SOX5: variants seen among roughly 807,000 people sequenced by gnomAD.
The protein encoded by SOX5 is transcription factor SOX-5.
Under a neutral mutation model 92.0 loss-of-function variants are expected in SOX5, and 9 were observed. The ratio of observed to expected loss-of-function variants is 0.10; its 90% CI spans 0.06 to 0.17. The LOEUF is 0.17. Ranked by LOEUF, SOX5 falls within the 10% of genes least tolerant of loss-of-function variation. The probability of loss-of-function intolerance (pLI) is 1.00; values close to 1 mark genes in which losing one functional copy is unlikely to be tolerated. For synonymous variants in SOX5, 344 were observed against 336.3 expected, an observed-to-expected ratio of 1.02 and a Z score of -0.25; for missense variants, 642 against 944.5, an observed-to-expected ratio of 0.68 and a Z score of 4.20.
rs796068501 is a variant in SOX5 at position 24,071,417 on chromosome 12, C to T, written c.-2+141926G>A. ...CACATTTAAACAAGTGGAATCAAGC[C>T]TTGTTTTTTATTTTTATTTTTATTA... On this transcript the variant is annotated intron_variant, in intron 4 of 4. Coordinates refer to the SOX5 transcript ENST00000446891. 5.6e-4 allele frequency among the ~76,000 whole-genome samples: 85 copies of T among 152,128 alleles called. 1 individual carries two copies. Among genetic ancestry groups the T allele is most frequent in the African/African-American group, 2.0e-3 (82 of 41,522 alleles).
At chr12:24,209,790 G>A (rs1360891685) in intron 4 of SOX5, among the ~76,000 whole-genome samples, 5 of 151,530 alleles carry the variant, frequency 3.3e-5, no homozygotes, top group Non-Finnish European at 5.9e-5. Flanking sequence ...AGGCCGAGGC[G>A]GGCGGATCAC....
At chr12:24,478,839 C>A (rs1945662129) in intron 1 of SOX5, among the ~76,000 whole-genome samples, 1 of 152,210 alleles carries the variant, frequency 6.6e-6, no homozygotes, top group African/African-American at 2.4e-5. Context: ...TTTAATTCTA[C>A]TTATATATGC....
chr12:24,071,471 G>C (rs1438823484), intron 4 of SOX5, among the ~76,000 whole-genome samples: 1 of 152,138 alleles, frequency 6.6e-6, no homozygotes, highest in Non-Finnish European at 1.5e-5. Flanking sequence ...GTCTCACTCT[G>C]TTGCCCAAGC....
chr12:23,928,829 T>A (rs1394463403), intron 1 of SOX5, among the ~76,000 whole-genome samples: 5 of 151,808 alleles, frequency 3.3e-5, no homozygotes, highest in African/African-American at 4.8e-5. Context: ...AAAGTAAAAA[T>A]TTGGAACTTA....
intron 4 of SOX5, among the ~76,000 whole-genome samples, chr12:24,097,565 G>T (rs1177032721): frequency 1.3e-5 from 2 of 151,278 alleles, no homozygotes; most frequent in African/African-American, 4.9e-5. Flanking sequence ...GTAAGGTAAG[G>T]GTCATCTTCA....
At chr12:23,538,206 A>G (rs1033704007) in intron 13 of SOX5, among the ~76,000 whole-genome samples, 2 of 152,186 alleles carry the variant, frequency 1.3e-5, no homozygotes, top group African/African-American at 4.8e-5. Context: ...TACACATGTA[A>G]AGAGTTCCTC....
At chr12:24,407,604 T>C (rs1247855240) in intron 1 of SOX5, 1 of 152,226 alleles carries the variant, frequency 6.6e-6, no homozygotes, top group African/African-American at 2.4e-5. Flanking sequence ...TATAGGCAGA[T>C]TCATAATGTA....
At chr12:23,631,784 G>A (rs185523408) in intron 8 of SOX5, among the ~76,000 whole-genome samples, 9 of 152,238 alleles carry the variant, frequency 5.9e-5, no homozygotes, top group Non-Finnish European at 1.0e-4. Context: ...GTGTACTGAT[G>A]TTTCTGTCAG....
intron 6 of SOX5, among the ~76,000 whole-genome samples, chr12:23,702,964 C>A (rs1439440685): frequency 6.6e-6 from 1 of 151,984 alleles, no homozygotes. Context: ...TGGGTAACTG[C>A]ACATTCATTT....
intron 1 of SOX5, among the ~76,000 whole-genome samples, chr12:24,370,208 C>T (rs1404647382): frequency 6.6e-6 from 1 of 152,142 alleles, no homozygotes; most frequent in Non-Finnish European, 1.5e-5. Flanking sequence ...TGCGCGGTGG[C>T]TCACGCCTGT....
chr12:23,980,500 TGTTGGGAG>T (rs1452759369), intron 4 of SOX5, among the ~76,000 whole-genome samples: 1 of 152,182 alleles, frequency 6.6e-6, no homozygotes, highest in Non-Finnish European at 1.5e-5. Flanking sequence ...CTACCATTGA[TGTTGGGAG>T]GTAACATCAA....
intron 4 of SOX5, among the ~76,000 whole-genome samples, chr12:23,957,833 G>A (rs375213793): frequency 7.2e-5 from 11 of 152,054 alleles, no homozygotes; most frequent in South Asian, 4.1e-4. Flanking sequence ...ATTTATACCC[G>A]TATTTTAAAT....
In SOX5 at chr12:23,600,522, C is replaced by CATATATATATATATATATATATATAT. The variant is rs371480644; in HGVS notation, c.1164+3839_1164+3864dup. Among the ~76,000 whole-genome samples, 20 of 39,796 alleles carry CATATATATATATATATATATATATAT rather than the reference C, an allele frequency of 5.0e-4. 2 individuals are homozygous for CATATATATATATATATATATATATAT. Among genetic ancestry groups the CATATATATATATATATATATATATAT allele is most frequent in the African/African-American group, 1.3e-3 (14 of 10,682 alleles). 26.1% of individuals were successfully genotyped at this position (39,796 alleles called of 152,430 possible). ...AAGATAGACCATGGCGGGGGGGGTG[C>CATATATATATATATATATATATATAT]ATATATATATATATATATATATATA... is the stretch of plus-strand genomic sequence containing the variant. On this transcript the variant is annotated intron_variant, in intron 9 of 14. Transcript: ENST00000451604.
At chr12:23,582,948 C>T (rs1230642032) in intron 9 of SOX5, among the ~76,000 whole-genome samples, 1 of 151,978 alleles carries the variant, frequency 6.6e-6, no homozygotes, top group Non-Finnish European at 1.5e-5. Context: ...TGCTCATTTT[C>T]CCTTAGTATC....
In SOX5 at chr12:24,023,958, C is replaced by A. The variant is rs559435851; in HGVS notation, c.-1-127934G>T. Among the ~76,000 whole-genome samples, 49 of 152,066 alleles carry A rather than the reference C, an allele frequency of 3.2e-4. No homozygotes were observed. The South Asian group carries it at 0.01, about 32-fold the overall frequency. Reference sequence around the variant, plus strand: ...TGGGAATAAAAGTCAATTATCTTTACGTGTCCTGTTATCATATGTAAAGTG... The same window carrying A: ...TGGGAATAAAAGTCAATTATCTTTAAGTGTCCTGTTATCATATGTAAAGTG... On this transcript the variant is annotated intron_variant, in intron 4 of 4. Coordinates refer to the SOX5 transcript ENST00000446891.
intron 9 of SOX5, among the ~76,000 whole-genome samples, chr12:23,585,912 A>C (rs1950657528): frequency 6.6e-6 from 1 of 152,180 alleles, no homozygotes; most frequent in African/African-American, 2.4e-5. Context: ...TTGCATAATA[A>C]AAGATTCACG....
intron 4 of SOX5, among the ~76,000 whole-genome samples, chr12:24,123,025 T>C (rs1948780454): frequency 6.6e-6 from 1 of 152,220 alleles, no homozygotes; most frequent in Non-Finnish European, 1.5e-5. Context: ...CTGGCAAGTT[T>C]TAGTTAAAAT....
At position 23,997,262 on chromosome 12, in the gene SOX5, T is replaced by C. The variant is rs527687807; in HGVS notation, c.-1-101238A>G. The stretch of plus-strand genomic sequence containing the variant: ...TTTACTGCTCTATTTCTACCAGACA[T>C]GGCAAACTGTAAGGGACATCAGCTT... On this transcript the variant is annotated intron_variant, in intron 4 of 4. Transcript: ENST00000446891. 2.0e-4 allele frequency among the ~76,000 whole-genome samples: 30 copies of C among 152,248 alleles called. No individual in the cohort carries two copies. The South Asian group carries it at 5.4e-3, about 27-fold the overall frequency.
intron 3 of SOX5, among the ~76,000 whole-genome samples, chr12:24,254,213 G>T (rs1199681385): frequency 1.3e-5 from 2 of 151,458 alleles, no homozygotes; most frequent in Admixed American, 6.6e-5. Context: ...GGTCTCATCG[G>T]GACATAATTT....
Sources: gnomAD v4.1 joint callset for allele counts (sites outside exome capture counted in the v4.1 genomes callset) on GRCh38, gnomAD v4.1.1 for gene constraint, MANE v1.5 for transcripts, NCBI Gene and HGNC (gene_info 2026-07-23, HGNC 2026-07-21) for gene names.